The following NONO variants were observed in gnomAD, a reference collection of about 807,000 sequenced individuals.
NONO encodes the protein non-POU domain containing octamer binding, also known as non-POU domain-containing octamer-binding protein.
In NONO, 6 loss-of-function variants were observed where a neutral mutation model predicts 40.2. The observed-to-expected ratio is 0.15, with a 90% confidence interval of 0.08 to 0.29. The LOEUF (loss-of-function observed/expected upper bound fraction) is 0.29. NONO is among the 10% of genes least tolerant of loss of function. NONO has a pLI of 1.00. For synonymous variants in NONO, 89 were observed against 123.3 expected, an observed-to-expected ratio of 0.72 and a Z score of 1.85; for missense variants, 133 against 397.8, an observed-to-expected ratio of 0.33 and a Z score of 5.66.
intron 1 of NONO, 196 bp downstream of exon 1, chrX:71,283,917 C>T (rs2031129297): frequency 8.9e-6 from 1 of 112,230 alleles, no homozygotes; most frequent in South Asian, 3.7e-4. Flanking sequence ...ACTCGCTTCG[C>T]TTCGGGCTTT....
chrX:71,294,205 CT>C, intron 4 of NONO, 21 bp from the exon 5 acceptor site: 23 of 1,204,523 alleles, frequency 1.9e-5, no homozygotes, highest in Non-Finnish European at 2.6e-5. Context: ...CTGAGTTATT[CT>C]GATTTTCCTC....
At chrX:71,293,816 G>A (rs748315815) in intron 4 of NONO, among the ~76,000 whole-genome samples, 49 of 110,374 alleles carry the variant, frequency 4.4e-4, no homozygotes, top group Non-Finnish European at 8.3e-4. Flanking sequence ...TATTTTAGTA[G>A]AGACCAGGTT....
chrX:71,298,114 A>G, intron 9 of NONO, 176 bp downstream of exon 9: 1 of 441,818 alleles, frequency 2.3e-6, no homozygotes, highest in East Asian at 3.7e-5. Flanking sequence ...CTCACAAGCA[A>G]TATAGGATGA....
Position 71,301,001 on chromosome X carries a change from G to C in NONO, c.*925G>C, listed in dbSNP as rs2031579686. The C allele has an allele frequency of 6.4e-6, 1 of 155,826 alleles. No homozygotes were observed. The highest frequency in any genetic ancestry group is 3.1e-5 in the African/African-American group (1 of 32,570). 12.8% of individuals were successfully genotyped at this position (155,826 alleles called of 1,213,427 possible). On this transcript the variant is annotated 3_prime_UTR_variant, in exon 12 of 12. Coordinates refer to ENST00000276079, the MANE Select transcript of NONO (RefSeq NM_007363.5). ...CTTGGGAACAGGGTTACTGTATACT[G>C]AAGGTCTGACAGTAGCTCTTAGACT...
At chrX:71,297,331 C>T in intron 7 of NONO, 46 bp from the exon 8 acceptor site, 2 of 1,044,727 alleles carry the variant, frequency 1.9e-6, no homozygotes, top group Non-Finnish European at 2.6e-6. Context: ...GTCATTAGAT[C>T]TATATGAAGA....
chrX:71,288,119 CTTTTTTT>C (rs41517053), intron 2 of NONO, among the ~76,000 whole-genome samples: 3 of 53,856 alleles, frequency 5.6e-5, no homozygotes, highest in African/African-American at 1.6e-4. Context: ...TTATTTTTAT[CTTTTTTT>C]TTTTTTTTTT....
intron 2 of NONO, 76 bp downstream of exon 2, chrX:71,284,529 C>G (rs769386768): frequency 9.0e-6 from 1 of 111,572 alleles, no homozygotes; most frequent in Non-Finnish European, 1.9e-5. Flanking sequence ...ACCTACACAA[C>G]CAATTATTTT....
chrX:71,294,058 A>G, intron 4 of NONO, 169 bp from the exon 5 acceptor site: 1 of 476,320 alleles, frequency 2.1e-6, no homozygotes, highest in Non-Finnish European at 3.5e-6. Flanking sequence ...GAAGCAAACT[A>G]GGGTGGCCAA....
In NONO at chrX:71,300,686, C is replaced by T. The variant is rs2031565518; in HGVS notation, c.*610C>T. ...CACATACACCACAAAAACCAAACAT[C>T]CCCCAATGACCTTAGCCCCATTGCT... On this transcript the variant is annotated 3_prime_UTR_variant, in exon 12 of 12. Coordinates refer to ENST00000276079, the MANE Select transcript of NONO (RefSeq NM_007363.5). The T allele has an allele frequency of 1.6e-5, 3 of 182,081 alleles. No homozygotes were observed. The Admixed American group carries it at 2.1e-4, about 13-fold the overall frequency. 15.0% of individuals were successfully genotyped at this position (182,081 alleles called of 1,213,427 possible). A position where few individuals can be genotyped will look rare whatever the true frequency, so the allele number is the denominator to read the frequency against.
chrX:71,299,408 A>G (rs1028276090), intron 11 of NONO, among the ~76,000 whole-genome samples: 1 of 112,030 alleles, frequency 8.9e-6, no homozygotes, highest in African/African-American at 3.2e-5. Flanking sequence ...TCTATACTTA[A>G]TCTAGGAGTT....
In NONO at chrX:71,288,800, CAT is replaced by C. The variant is rs200447036; in HGVS notation, c.-9-1828_-9-1827del. On this transcript the variant is annotated intron_variant, in intron 2 of 11. Coordinates refer to ENST00000276079, the MANE Select transcript of NONO (RefSeq NM_007363.5). ...TGCCAGTAGTGAGCCAGCATTTTCA[CAT>C]GTTTATTCTCATAGCCACTTTGAGA... 5.9e-3 allele frequency among the ~76,000 whole-genome samples: 666 copies of C among 112,900 alleles called. 2 individuals carry two copies. Among genetic ancestry groups the C allele is most frequent in the African/African-American group, 0.02 (636 of 31,116 alleles).
rs190576043 is a variant in NONO at position 71,294,718 on chromosome X, G to A, written c.650+190G>A. 1.2e-3 allele frequency among the ~76,000 whole-genome samples: 137 copies of A among 110,393 alleles called. 1 individual carries two copies. The East Asian group carries it at 0.03, about 24-fold the overall frequency. The stretch of plus-strand genomic sequence containing the variant: ...GGATCACCTGAGGTCAGGAGTTGGA[G>A]ACCAGCCTGACCAACATGGTGAAAC... On this transcript the variant is annotated intron_variant, in intron 5 of 11. Coordinates refer to ENST00000276079, the MANE Select transcript of NONO (RefSeq NM_007363.5).
chrX:71,287,335 C>T (rs2031213040), intron 2 of NONO, among the ~76,000 whole-genome samples: 1 of 110,655 alleles, frequency 9.0e-6, no homozygotes, highest in East Asian at 2.9e-4. Context: ...CCCTCCTCGG[C>T]CTCCCAAAGT....
intron 4 of NONO, chrX:71,293,972 T>C: frequency 2.7e-6 from 1 of 377,123 alleles, no homozygotes; most frequent in South Asian, 5.2e-5. Context: ...ATTGGGAGAA[T>C]AATACCTATG....
chrX:71,284,040 A>G (rs2031134243), intron 1 of NONO: 1 of 111,731 alleles, frequency 9.0e-6, no homozygotes, highest in Non-Finnish European at 1.9e-5. Context: ...GGGGTCTATT[A>G]TGAGAGATCG....
chrX:71,286,108 AATAC>A (rs917723867), intron 2 of NONO, among the ~76,000 whole-genome samples: 2 of 111,819 alleles, frequency 1.8e-5, no homozygotes, highest in African/African-American at 3.2e-5. Flanking sequence ...AATTTTCTAT[AATAC>A]ATTTTGTAAT....
At chrX:71,294,164 G>A (rs768425555) in intron 4 of NONO, 63 bp from the exon 5 acceptor site, 14 of 1,091,787 alleles carry the variant, frequency 1.3e-5, no homozygotes, top group Middle Eastern at 2.5e-4. Context: ...GCTTTAGACT[G>A]TTGATGGCTG....
At position 71,288,119 on chromosome X, in the gene NONO, C is replaced by CTTTT. The variant is rs41517053; in HGVS notation, c.-9-2492_-9-2489dup. On this transcript the variant is annotated intron_variant, in intron 2 of 11. Coordinates refer to ENST00000276079, the MANE Select transcript of NONO (RefSeq NM_007363.5). ...GAATTTAACATTTTATTATTTTTAT[C>CTTTT]TTTTTTTTTTTTTTTTTTTTTCTTG... Among the ~76,000 whole-genome samples the CTTTT allele has an allele frequency of 3.5e-3, 188 of 53,828 alleles. 3 individuals are homozygous for CTTTT. The highest frequency in any genetic ancestry group is 6.5e-3 in the African/African-American group (80 of 12,328). The allele number at this position is 53,828 out of a possible 115,157, so 46.7% of individuals were successfully genotyped here. A position where few individuals can be genotyped will look rare whatever the true frequency, so the allele number is the denominator to read the frequency against.
chrX:71,295,846 T>C (rs973207012), intron 5 of NONO, among the ~76,000 whole-genome samples: 7 of 112,186 alleles, frequency 6.2e-5, no homozygotes, highest in East Asian at 2.8e-4. Context: ...TGTAATCTTA[T>C]ATTAATAGAC....
Sources: allele counts gnomAD v4.1 joint callset (sites outside exome capture counted in the v4.1 genomes callset), GRCh38; gene constraint gnomAD v4.1.1; transcripts MANE v1.5; gene names NCBI Gene and HGNC (gene_info 2026-07-23, HGNC 2026-07-21).